PTPRM: variants seen among roughly 807,000 people sequenced by gnomAD.
PTPRM encodes receptor-type tyrosine-protein phosphatase mu.
A neutral mutation model predicts 186.7 loss-of-function variants in PTPRM; 47 were observed. The observed-to-expected ratio is 0.25, with a 90% CI of 0.20 to 0.32. The LOEUF is 0.32. Ranked by LOEUF, PTPRM falls within the 10% of genes least tolerant of loss-of-function variation. PTPRM has a pLI of 1.00. For synonymous variants in PTPRM, 668 were observed against 674.9 expected (o/e 0.99, Z 0.16); for missense variants, 1,494 against 1,865.0 (o/e 0.80, Z 3.66).
rs2092258301 is a variant in PTPRM at position 8,123,867 on chromosome 18, TC to T, written c.2167+9043del. 2.0e-5 allele frequency among the ~76,000 whole-genome samples: 3 copies of T among 152,218 alleles called. 1 individual carries two copies. In the South Asian group the frequency reaches 6.2e-4, roughly 31 times the overall value. On this transcript the variant is annotated intron_variant, in intron 13 of 32. Transcript: ENST00000580170. Reference sequence around the variant, plus strand: ...CAGTACATTGTTAAAAATGGGTTGTTCCCACCTTCATAAAACAAGTACTTAC... The same window carrying T: ...CAGTACATTGTTAAAAATGGGTTGTTCCACCTTCATAAAACAAGTACTTAC...
chr18:8,331,040 T>C (rs2148159589), intron 22 of PTPRM, among the ~76,000 whole-genome samples: 1 of 152,272 alleles, frequency 6.6e-6, no homozygotes, highest in South Asian at 2.1e-4. Context: ...CCATATCCCA[T>C]CACTCAAATC....
intron 22 of PTPRM, among the ~76,000 whole-genome samples, chr18:8,340,559 G>A (rs892858534): frequency 2.6e-5 from 4 of 152,158 alleles, no homozygotes; most frequent in East Asian, 1.9e-4. Context: ...ATGCCCAGCC[G>A]CAGAGGTGAG....
At chr18:7,688,410 C>A (rs569543578) in intron 1 of PTPRM, among the ~76,000 whole-genome samples, 105 of 152,316 alleles carry the variant, frequency 6.9e-4, no homozygotes, top group Middle Eastern at 3.4e-3. Context: ...GGGGGAAATA[C>A]ACAAGATGGT....
At chr18:7,748,551 G>C (rs2041057548) in intron 1 of PTPRM, among the ~76,000 whole-genome samples, 2 of 152,174 alleles carry the variant, frequency 1.3e-5, no homozygotes, top group South Asian at 2.1e-4. Context: ...CTGTGGAGCA[G>C]AGCTGCCAAA....
chr18:7,839,506 G>T (rs1316723667), intron 2 of PTPRM, among the ~76,000 whole-genome samples: 4 of 152,182 alleles, frequency 2.6e-5, no homozygotes, highest in African/African-American at 9.6e-5. Context: ...AGCTGGAAAG[G>T]GGGCCTCATG....
At chr18:7,644,930 C>T (rs1430868618) in intron 1 of PTPRM, among the ~76,000 whole-genome samples, 1 of 152,122 alleles carries the variant, frequency 6.6e-6, no homozygotes, top group African/African-American at 2.4e-5. Flanking sequence ...AACAATTAAT[C>T]ATTCCTCAAG....
At chr18:8,380,491 G>C (rs1490425143) in intron 29 of PTPRM, 64 bp downstream of exon 29, 10 of 1,592,780 alleles carry the variant, frequency 6.3e-6, no homozygotes, top group African/African-American at 4.0e-5. Context: ...TTTACACTGA[G>C]TTTGTTTGCA....
intron 1 of PTPRM, among the ~76,000 whole-genome samples, chr18:7,707,860 G>C (rs1286146912): frequency 1.3e-5 from 2 of 152,116 alleles, no homozygotes; most frequent in Non-Finnish European, 2.9e-5. Context: ...ATTTTTGGGA[G>C]AGGGTTTAAT....
At chr18:7,614,823 T>TA (rs1567984376) in intron 1 of PTPRM, among the ~76,000 whole-genome samples, 1 of 152,098 alleles carries the variant, frequency 6.6e-6, no homozygotes, top group Non-Finnish European at 1.5e-5. Flanking sequence ...TGCATGGGCT[T>TA]AAAGAGTTGT....
chr18:8,204,338 T>C (rs1354667561), intron 14 of PTPRM, among the ~76,000 whole-genome samples: 1 of 152,146 alleles, frequency 6.6e-6, no homozygotes, highest in African/African-American at 2.4e-5. Context: ...GGGAAGTGAA[T>C]TGAGTCTTAA....
At chr18:8,033,132 TC>T (rs1178232823) in intron 7 of PTPRM, among the ~76,000 whole-genome samples, 1 of 152,036 alleles carries the variant, frequency 6.6e-6, no homozygotes, top group Non-Finnish European at 1.5e-5. Flanking sequence ...AAATTTAAAA[TC>T]TGAAGTAAAA....
At chr18:7,717,997 A>G (rs985688806) in intron 1 of PTPRM, among the ~76,000 whole-genome samples, 9 of 152,028 alleles carry the variant, frequency 5.9e-5, no homozygotes, top group South Asian at 2.1e-4. Context: ...TGAGAGTCTC[A>G]TGAAGGGGTC....
chr18:7,578,571 G>A (rs1487652562), intron 1 of PTPRM, among the ~76,000 whole-genome samples: 11 of 151,808 alleles, frequency 7.2e-5, no homozygotes, highest in African/African-American at 1.5e-4. Context: ...TCCTGACCTC[G>A]TGATCCGCCC....
chr18:8,175,062 C>T (rs2093461597), intron 14 of PTPRM, among the ~76,000 whole-genome samples: 1 of 152,168 alleles, frequency 6.6e-6, no homozygotes, highest in African/African-American at 2.4e-5. Flanking sequence ...AACTGGTTTG[C>T]TATAGGATTC....
At chr18:7,696,164 G>C (rs1598390162) in intron 1 of PTPRM, among the ~76,000 whole-genome samples, 1 of 152,074 alleles carries the variant, frequency 6.6e-6, no homozygotes, top group Non-Finnish European at 1.5e-5. Context: ...CCTTTTCAGG[G>C]TTTTTTCTTC....
intron 13 of PTPRM, among the ~76,000 whole-genome samples, chr18:8,137,841 C>G (rs1226616802): frequency 1.3e-5 from 2 of 152,072 alleles, no homozygotes; most frequent in Non-Finnish European, 2.9e-5. Context: ...GGAGCCCTCC[C>G]TCATCCCCTC....
intron 7 of PTPRM, among the ~76,000 whole-genome samples, chr18:8,030,958 C>T (rs1382266203): frequency 6.6e-6 from 1 of 152,184 alleles, no homozygotes; most frequent in African/African-American, 2.4e-5. Flanking sequence ...TAAATTTCAA[C>T]GTTGAATACT....
intron 1 of PTPRM, among the ~76,000 whole-genome samples, chr18:7,599,346 C>T (rs2037343256): frequency 6.6e-6 from 1 of 152,210 alleles, no homozygotes; most frequent in South Asian, 2.1e-4. Flanking sequence ...CATAGCTGAA[C>T]CGCTAAAGTT....
rs990187374 is a variant in PTPRM at position 7,935,749 on chromosome 18, A to G, written c.663+9066A>G. Among the ~76,000 whole-genome samples, 14 of 152,122 alleles carry G rather than the reference A, an allele frequency of 9.2e-5. 1 individual carries two copies. The highest frequency in any genetic ancestry group is 6.5e-4 in the Admixed American group (10 of 15,272). On this transcript the variant is annotated intron_variant, in intron 5 of 32. Coordinates refer to ENST00000580170, the MANE Select transcript of PTPRM (RefSeq NM_001105244.2). ...ATTTTGTGTTGCTGGGGTTTGGTGTACAAGTGGTTTTGTCACCCAGGTGGC... is the reference window on the plus strand; with the variant it reads ...ATTTTGTGTTGCTGGGGTTTGGTGTGCAAGTGGTTTTGTCACCCAGGTGGC...
Sources: allele counts gnomAD v4.1 joint callset (sites outside exome capture counted in the v4.1 genomes callset), GRCh38; gene constraint gnomAD v4.1.1; transcripts MANE v1.5; gene names NCBI Gene and HGNC (gene_info 2026-07-23, HGNC 2026-07-21).